Variants in SSX5 observed in about 807,000 individuals in gnomAD.
The protein encoded by SSX5 is SSX family member 5.
Under a neutral mutation model 14.9 loss-of-function variants are expected in SSX5, and 14 were observed. The ratio of observed to expected loss-of-function variants is 0.94; its 90% CI spans 0.62 to 1.47. The LOEUF (loss-of-function observed/expected upper bound fraction) is 1.47. Among genes scored for constraint, SSX5 ranks in the 40% most tolerant of loss-of-function variants. The probability of loss-of-function intolerance (pLI) is 0.00; values close to 1 mark genes in which losing one functional copy is unlikely to be tolerated. For missense variants in SSX5, 204 were observed against 154.6 expected (o/e 1.32, Z -1.70); for synonymous variants, 70 against 55.4 (o/e 1.26, Z -1.17).
rs1366384199 is a variant in SSX5, at chrX:48,190,415, TGGGAG to T, written c.331-152_331-148del. On this transcript the variant is annotated intron_variant, in intron 5 of 7. Transcript: ENST00000347757. Reference sequence around the variant, plus strand: ...ACACTTGCCTAAATTAGGAGAAACCTGGGAGGGGAGGTTAGATGGGAAAGGAATGG... The same window carrying T: ...ACACTTGCCTAAATTAGGAGAAACCTGGGAGGTTAGATGGGAAAGGAATGG... 347 of 758,788 alleles carry T rather than the reference TGGGAG, an allele frequency of 4.6e-4. No homozygotes were observed. The African/African-American group carries it at 6.7e-3, about 15-fold the overall frequency. 62.5% of individuals were successfully genotyped at this position (758,788 alleles called of 1,213,427 possible).
In SSX5 at chrX:48,186,450, T is replaced by A. The variant is rs1556923779; in HGVS notation, c.*411A>T. The stretch of plus-strand genomic sequence containing the variant: ...TCTGTGTGGCATGTGTGTGTGTTTG[T>A]GTAAATGCAGAGGAAAAAATCTGAA... On this transcript the variant is annotated 3_prime_UTR_variant, in exon 8 of 8. Transcript: ENST00000347757. 1 of 304,827 alleles carries A rather than the reference T, an allele frequency of 3.3e-6. No homozygotes were observed. The highest frequency in any genetic ancestry group is 2.8e-5 in the African/African-American group (1 of 36,311). 25.1% of individuals were successfully genotyped at this position (304,827 alleles called of 1,213,427 possible). A position where few individuals can be genotyped will look rare whatever the true frequency, so the allele number is the denominator to read the frequency against.
At chrX:48,192,201 C>G (rs1556924880) in intron 5 of SSX5, 31 bp downstream of exon 5, 12 of 1,210,665 alleles carry the variant, frequency 9.9e-6, no homozygotes, top group Non-Finnish European at 1.3e-5. Context: ...GACAAAGGTT[C>G]TCTGGTCCTT....
In SSX5 at chrX:48,190,263, C is replaced by A. The variant is rs138350645; in HGVS notation, c.336G>T (p.Thr112=). 6.7e-6 allele frequency: 8 copies of A among 1,198,859 alleles called. No homozygotes were observed. Among genetic ancestry groups the A allele is most frequent in the Non-Finnish European group, 9.0e-6 (8 of 890,478 alleles). The part of the protein sequence containing the change: ...GRLQGIFPKI[T]PEKPAEEGND... ...TTCCTTCCTCTGCTGGCTTCTCGGGCGTGATCTTTATAATGTGAAGGTCAC... is the reference window on the plus strand; with the variant it reads ...TTCCTTCCTCTGCTGGCTTCTCGGGAGTGATCTTTATAATGTGAAGGTCAC... The change falls in exon 6 of 8, where the codon ACG becomes ACT. Residue 112 remains threonine (T), a synonymous_variant. Transcript: ENST00000347757.
At chrX:48,187,529 G>T (rs2059403076) in intron 7 of SSX5, 98 bp downstream of exon 7, 15 of 989,078 alleles carry the variant, frequency 1.5e-5, no homozygotes, top group Non-Finnish European at 2.0e-5. Flanking sequence ...TTATGAGAAG[G>T]GAATGATTTG....
chrX:48,192,146 A>G lies in SSX5; in HGVS notation c.330+86T>C, dbSNP rs1476886385. On this transcript the variant is annotated intron_variant, in intron 5 of 7. Transcript: ENST00000347757. ...ATAGGGAGAAGAAGGCAGTGAGGGC[A>G]TTGTTGATATTCTCCCACTCTTACA... is the stretch of plus-strand genomic sequence containing the variant. 8 of 1,181,655 alleles carry G rather than the reference A, an allele frequency of 6.8e-6. No homozygotes were observed. In the African/African-American group the frequency reaches 1.2e-4, roughly 18 times the overall value.
At chrX:48,195,125 G>C in intron 2 of SSX5, 165 bp downstream of exon 2, 2 of 1,211,518 alleles carry the variant, frequency 1.7e-6, no homozygotes, top group Non-Finnish European at 2.2e-6. Context: ...TTGTCTCCAG[G>C]GATGCTAGGT....
chrX:48,196,377 G>GT lies in SSX5; in HGVS notation c.-21+353dup, dbSNP rs782199815. 4.4e-3 allele frequency among the ~76,000 whole-genome samples: 427 copies of GT among 97,110 alleles called. 1 individual carries two copies. Among genetic ancestry groups the GT allele is most frequent in the East Asian group, 0.016 (50 of 3,128 alleles). The allele number at this position is 97,110 out of a possible 115,157, so 84.3% of individuals were successfully genotyped here. ...AGCCCAGGAGGAAAGATTTGAGTGA[G>GT]TTTTTTTTTTTTTTTTTGGTCAGAC... On this transcript the variant is annotated intron_variant, in intron 1 of 7. Transcript: ENST00000347757.
chrX:48,186,423 T>A lies in SSX5; in HGVS notation c.*438A>T. On this transcript the variant is annotated 3_prime_UTR_variant, in exon 8 of 8. Coordinates refer to ENST00000347757, the MANE Select transcript of SSX5 (RefSeq NM_175723.2). ...GTGTGTGCGCGCGCGCGCGCATGTG[T>A]GTCTGTGTGGCATGTGTGTGTGTTT... is the stretch of plus-strand genomic sequence containing the variant. 1.1e-5 allele frequency: 3 copies of A among 283,778 alleles called. No individual in the cohort carries two copies. The South Asian group carries it at 1.2e-4, about 12-fold the overall frequency. The allele number at this position is 283,778 out of a possible 1,213,427, so 23.4% of individuals were successfully genotyped here. A position where few individuals can be genotyped will look rare whatever the true frequency, so the allele number is the denominator to read the frequency against.
At chrX:48,187,830 G>T in intron 6 of SSX5, 99 bp from the exon 7 acceptor site, 1 of 1,029,855 alleles carries the variant, frequency 9.7e-7, no homozygotes, top group Non-Finnish European at 1.3e-6. Flanking sequence ...AAAAGGAGAT[G>T]CCTCCCCACC....
rs1569439673 is a variant in SSX5 at position 48,186,368 on chromosome X, GTGTGTGT to G, written c.*486_*492del. 9 of 26,285 alleles carry G rather than the reference GTGTGTGT, an allele frequency of 3.4e-4. No individual in the cohort carries two copies. Among genetic ancestry groups the G allele is most frequent in the African/African-American group, 9.9e-4 (9 of 9,118 alleles). The allele number at this position is 26,285 out of a possible 1,213,427, so 2.2% of individuals were successfully genotyped here. On this transcript the variant is annotated 3_prime_UTR_variant, in exon 8 of 8. Coordinates refer to ENST00000347757, the MANE Select transcript of SSX5 (RefSeq NM_175723.2). ...GGAGATGCCTATACTGGTACTTGGT[GTGTGTGT>G]GTGTGTGTGTGTGTGTGTGTGTGTG...
At position 48,192,506 on chromosome X, in the gene SSX5, C is replaced by A. The variant is rs188633806; in HGVS notation, c.281-225G>T. ...CATGGTTTATCACATGGGGACTAAACCCCATCACAGTCTCATCTTTTTCCA... is the reference window on the plus strand; with the variant it reads ...CATGGTTTATCACATGGGGACTAAAACCCATCACAGTCTCATCTTTTTCCA... On this transcript the variant is annotated intron_variant, in intron 4 of 7. Transcript: ENST00000347757. The A allele has an allele frequency of 4.2e-3, 1,935 of 464,474 alleles. 6 individuals are homozygous for A. The highest frequency in any genetic ancestry group is 0.018 in the South Asian group (506 of 28,901). 38.3% of individuals were successfully genotyped at this position (464,474 alleles called of 1,213,427 possible).
chrX:48,195,566 G>A (rs2059437837), intron 1 of SSX5, among the ~76,000 whole-genome samples, 188 bp from the exon 2 acceptor site: 1 of 111,884 alleles, frequency 8.9e-6, no homozygotes, highest in Non-Finnish European at 1.9e-5. Flanking sequence ...AGGGGTCTCT[G>A]GGAGAAGTAT....
Position 48,186,791 on chromosome X carries a change from T to G in SSX5, c.*70A>C. 8.3e-7 allele frequency: 1 copy of G among 1,198,018 alleles called. No homozygotes were observed. The highest frequency in any genetic ancestry group is 1.1e-6 in the Non-Finnish European group (1 of 895,032). On this transcript the variant is annotated 3_prime_UTR_variant, in exon 8 of 8. Coordinates refer to ENST00000347757, the MANE Select transcript of SSX5 (RefSeq NM_175723.2). ...CCTGATGACGAGGGATCCGCAGCCA[T>G]GCCCATGTTCGTGAAAGGTCACCAC...
At chrX:48,190,095 A>C (rs1479448988) in intron 6 of SSX5, 38 bp downstream of exon 6, 1 of 1,203,440 alleles carries the variant, frequency 8.3e-7, no homozygotes, top group Non-Finnish European at 1.1e-6. Flanking sequence ...CTTAGCGAGA[A>C]AAGCCAGAGT....
At chrX:48,188,971 C>A (rs782799954) in intron 6 of SSX5, among the ~76,000 whole-genome samples, 1 of 112,359 alleles carries the variant, frequency 8.9e-6, no homozygotes, top group East Asian at 2.8e-4. Flanking sequence ...TTCCCTTAAG[C>A]CAAAGTCTAA....
chrX:48,189,113 A>G (rs1469708749), intron 6 of SSX5, among the ~76,000 whole-genome samples: 1 of 112,130 alleles, frequency 8.9e-6, no homozygotes. Flanking sequence ...CCATAACATA[A>G]AAGTGCAAGG....
intron 2 of SSX5, 86 bp downstream of exon 2, chrX:48,195,204 A>T: frequency 8.3e-7 from 1 of 1,206,797 alleles, no homozygotes; most frequent in Non-Finnish European, 1.1e-6. Context: ...CCTTGTCCCC[A>T]GTACCTCTGT....
Position 48,190,160 on chromosome X carries a change from T to C in SSX5, c.439A>G (p.Thr147Ala). 8.3e-7 allele frequency: 1 copy of C among 1,210,448 alleles called. No homozygotes were observed. The highest frequency in any genetic ancestry group is 1.1e-6 in the Non-Finnish European group (1 of 894,953). Residue 147 changes from threonine to alanine, a missense_variant, in exon 6 of 8, where the codon ACC becomes GCC. Thr to Ala is a moderately conservative substitution (Grantham distance 58). Coordinates refer to ENST00000347757, the MANE Select transcript of SSX5 (RefSeq NM_175723.2). ...KQLRPSGKLNTSEKVNKTSGP... is the reference protein window; with the variant it reads ...KQLRPSGKLNASEKVNKTSGP... The stretch of plus-strand genomic sequence containing the variant: ...GATGTCTTGTTAACCTTCTCAGAGG[T>C]ATTTAGTTTTCCTGAGGGGCGCAGC...
intron 5 of SSX5, among the ~76,000 whole-genome samples, chrX:48,191,320 C>T (rs2059419184): frequency 8.9e-6 from 1 of 111,810 alleles, no homozygotes; most frequent in African/African-American, 3.2e-5. Context: ...GTAATAATAA[C>T]AATTAATACC....
Sources: gnomAD v4.1 joint callset for allele counts (sites outside exome capture counted in the v4.1 genomes callset) on GRCh38, gnomAD v4.1.1 for gene constraint, MANE v1.5 for transcripts, NCBI Gene and HGNC (gene_info 2026-07-23, HGNC 2026-07-21) for gene names.